Variants in RNF43 observed in about 807,000 individuals in gnomAD.
RNF43 encodes the protein E3 ubiquitin-protein ligase RNF43.
In RNF43, 37 loss-of-function variants were observed where a neutral mutation model predicts 78.4. The ratio of observed to expected loss-of-function variants is 0.47; its 90% CI spans 0.36 to 0.62. The LOEUF is 0.62. Among genes scored for constraint, RNF43 ranks in the 20% least tolerant of loss-of-function variants. The pLI, the probability that RNF43 is intolerant of heterozygous loss-of-function variation, is 0.00. For synonymous variants in RNF43, 347 were observed against 395.0 expected, an observed-to-expected ratio of 0.88 and a Z score of 1.44; for missense variants, 774 against 1,007.9, an observed-to-expected ratio of 0.77 and a Z score of 3.14.
At chr17:58,385,751 G>A (rs747410620) in intron 2 of RNF43, among the ~76,000 whole-genome samples, 11 of 152,096 alleles carry the variant, frequency 7.2e-5, no homozygotes, top group Non-Finnish European at 1.3e-4. Flanking sequence ...ATTTCAACTC[G>A]GTTTTGCATT....
chr17:58,408,429 A>G (rs966505705), intron 2 of RNF43, among the ~76,000 whole-genome samples: 4 of 152,214 alleles, frequency 2.6e-5, no homozygotes, highest in Non-Finnish European at 4.4e-5. Flanking sequence ...AAATTTAAGT[A>G]CTAAGAAGGT....
At chr17:58,362,498 C>T (rs756011627) in intron 6 of RNF43, 46 bp downstream of exon 6, 1 of 1,428,296 alleles carries the variant, frequency 7.0e-7, no homozygotes, top group Non-Finnish European at 9.6e-7. Context: ...CACCCACCCA[C>T]ACACACGCAC....
At chr17:58,369,068 TACAC>T (rs369670104) in intron 3 of RNF43, among the ~76,000 whole-genome samples, 23 of 144,988 alleles carry the variant, frequency 1.6e-4, no homozygotes, top group South Asian at 8.9e-4. Context: ...CTCTCTCTCA[TACAC>T]ACACACACAC....
intron 2 of RNF43, among the ~76,000 whole-genome samples, chr17:58,412,201 T>C (rs1598170785): frequency 6.6e-6 from 1 of 152,108 alleles, no homozygotes; most frequent in Non-Finnish European, 1.5e-5. Flanking sequence ...TTGGCAAATA[T>C]AGGGGAAACC....
intron 3 of RNF43, among the ~76,000 whole-genome samples, chr17:58,366,918 C>T (rs924806032): frequency 7.2e-5 from 11 of 151,926 alleles, no homozygotes; most frequent in Non-Finnish European, 1.5e-4. Flanking sequence ...TTCCGCCTCC[C>T]GGGTTCAAGA....
At chr17:58,389,314 T>C (rs964843852) in intron 2 of RNF43, among the ~76,000 whole-genome samples, 12 of 151,914 alleles carry the variant, frequency 7.9e-5, no homozygotes, top group African/African-American at 2.7e-4. Context: ...ACTTGGAGAA[T>C]TGGAAAAAAG....
chr17:58,397,776 T>C (rs957815919), intron 2 of RNF43, among the ~76,000 whole-genome samples: 1 of 152,144 alleles, frequency 6.6e-6, no homozygotes, highest in Non-Finnish European at 1.5e-5. Flanking sequence ...CGCAGTCAAG[T>C]CCTACTCCCC....
intron 2 of RNF43, among the ~76,000 whole-genome samples, chr17:58,404,834 A>G (rs544519384): frequency 5.3e-5 from 8 of 152,260 alleles, no homozygotes; most frequent in South Asian, 4.1e-4. Flanking sequence ...AACTTCCAAT[A>G]TGTTGAATTC....
intron 2 of RNF43, among the ~76,000 whole-genome samples, chr17:58,385,418 T>C (rs1215037767): frequency 6.6e-6 from 1 of 152,194 alleles, no homozygotes; most frequent in Non-Finnish European, 1.5e-5. Context: ...CTATTTCAGT[T>C]AACGGCACCA....
chr17:58,411,300 A>C (rs1376543437), intron 2 of RNF43, among the ~76,000 whole-genome samples: 1 of 152,140 alleles, frequency 6.6e-6, no homozygotes, highest in Non-Finnish European at 1.5e-5. Flanking sequence ...TTCTGTGTGT[A>C]GAACTAAAAG....
In RNF43 at chr17:58,354,527, G is replaced by C; in HGVS notation, c.*416C>G. 1 of 321,280 alleles carries C rather than the reference G, an allele frequency of 3.1e-6. No individual in the cohort carries two copies. Among genetic ancestry groups the C allele is most frequent in the Non-Finnish European group, 6.0e-6 (1 of 165,510 alleles). The allele number at this position is 321,280 out of a possible 1,614,324, so 19.9% of individuals were successfully genotyped here. On this transcript the variant is annotated 3_prime_UTR_variant, in exon 10 of 10. Coordinates refer to ENST00000407977, the MANE Select transcript of RNF43 (RefSeq NM_017763.6). ...GAGGTGATAAGGTGTCATGCGTTCTGCTGAACCCACTGGCTGGTATGAACA... is the reference window on the plus strand; with the variant it reads ...GAGGTGATAAGGTGTCATGCGTTCTCCTGAACCCACTGGCTGGTATGAACA...
intron 6 of RNF43, among the ~76,000 whole-genome samples, chr17:58,361,694 C>T (rs1210497652): frequency 4.6e-5 from 7 of 152,200 alleles, no homozygotes; most frequent in South Asian, 4.1e-4. Flanking sequence ...TCCAATACAA[C>T]GGGGCCCCCA....
chr17:58,415,476 T>A lies in RNF43; in HGVS notation c.102A>T (p.Ala34=), dbSNP rs2143696473. 6.2e-7 allele frequency: 1 copy of A among 1,613,986 alleles called. No homozygotes were observed. Among genetic ancestry groups the A allele is most frequent in the Non-Finnish European group, 8.5e-7 (1 of 1,180,036 alleles). ...CTGCTGATCTTTCAGACTCCACCGC[T>A]GCTGCCAGTACCAGTCCTGTGCGTC... The part of the protein sequence containing the change: ...GFGRTGLVLA[A]AVESERSAEQ... The change falls in exon 2 of 10, where the codon GCA becomes GCT. Residue 34 remains alanine, a synonymous_variant. Coordinates refer to ENST00000407977, the MANE Select transcript of RNF43 (RefSeq NM_017763.6).
Position 58,354,038 on chromosome 17 carries a change from C to T in RNF43, c.*905G>A, listed in dbSNP as rs1972630451. 1.6e-5 allele frequency: 3 copies of T among 191,572 alleles called. 1 individual carries two copies. The East Asian group carries it at 2.5e-4, about 16-fold the overall frequency. The allele number at this position is 191,572 out of a possible 1,614,324, so 11.9% of individuals were successfully genotyped here. A position where few individuals can be genotyped will look rare whatever the true frequency, so the allele number is the denominator to read the frequency against. On this transcript the variant is annotated 3_prime_UTR_variant, in exon 10 of 10. Coordinates refer to ENST00000407977, the MANE Select transcript of RNF43 (RefSeq NM_017763.6). ...AGCTGGGCCTCTGGGCTGTCCAAAC[C>T]CAAGGGTCACACTTTGCTTTTCCTT...
intron 2 of RNF43, among the ~76,000 whole-genome samples, chr17:58,384,874 T>C (rs1440065716): frequency 1.3e-5 from 2 of 152,180 alleles, no homozygotes; most frequent in Non-Finnish European, 2.9e-5. Context: ...ACCAAACACA[T>C]CTTTAACAGG....
chr17:58,353,738 T>C lies in RNF43; in HGVS notation c.*1205A>G, dbSNP rs1598121722. Reference sequence around the variant, plus strand: ...TAACATAGTGCCTGATTCAAGCGTCTGTCTGGTTCAGATATAAATACCCAT... The same window carrying C: ...TAACATAGTGCCTGATTCAAGCGTCCGTCTGGTTCAGATATAAATACCCAT... On this transcript the variant is annotated 3_prime_UTR_variant, in exon 10 of 10. Coordinates refer to ENST00000407977, the MANE Select transcript of RNF43 (RefSeq NM_017763.6). 1.9e-5 allele frequency: 4 copies of C among 210,748 alleles called. No homozygotes were observed. In the East Asian group the frequency reaches 2.8e-4, roughly 15 times the overall value. 13.1% of individuals were successfully genotyped at this position (210,748 alleles called of 1,614,324 possible).
Position 58,378,057 on chromosome 17 carries a change from C to T in RNF43, c.253-7024G>A, listed in dbSNP as rs542925749. Among the ~76,000 whole-genome samples, 3 of 152,202 alleles carry T rather than the reference C, an allele frequency of 2.0e-5. No individual in the cohort carries two copies. In the East Asian group the frequency reaches 5.8e-4, roughly 29 times the overall value. ...CTGAGGCCCAGCTTGGTCACCTTGC[C>T]TTGTATTGAAGGGAGTCAATGCTCA... On this transcript the variant is annotated intron_variant, in intron 2 of 9. Coordinates refer to ENST00000407977, the MANE Select transcript of RNF43 (RefSeq NM_017763.6).
chr17:58,363,291 T>C lies in RNF43; in HGVS notation c.566A>G (p.Lys189Arg), dbSNP rs2143466773. The part of the protein sequence containing the change: ...NQKAHVRIEL[K>R]EPPAWPDYDV... ...TGTGCTTACCCAGGCCGGGGGCTCC[T>C]TCAGCTCAATCCTCACATGGGCCTT... The change falls in exon 5 of 10, where the codon AAG (lysine) becomes AGG (arginine). Residue 189 changes from lysine (K) to arginine (R), a missense_variant. By Grantham distance (26) the Lys-to-Arg change is conservative. Transcript: ENST00000407977. The C allele has an allele frequency of 6.2e-7, 1 of 1,613,962 alleles. No homozygotes were observed. Among genetic ancestry groups the C allele is most frequent in the Non-Finnish European group, 8.5e-7 (1 of 1,180,006 alleles).
chr17:58,371,607 C>G (rs1488299402), intron 2 of RNF43, among the ~76,000 whole-genome samples: 2 of 152,230 alleles, frequency 1.3e-5, no homozygotes, highest in African/African-American at 2.4e-5. Context: ...TCACTAGCCC[C>G]TTTTTTGCCT....
Sources: gnomAD v4.1 joint callset for allele counts (sites outside exome capture counted in the v4.1 genomes callset) on GRCh38, gnomAD v4.1.1 for gene constraint, MANE v1.5 for transcripts, NCBI Gene and HGNC (gene_info 2026-07-23, HGNC 2026-07-21) for gene names.